Variants in PCCA observed in about 807,000 individuals in gnomAD.
PCCA encodes propionyl-CoA carboxylase alpha chain, mitochondrial.
In PCCA, 74 loss-of-function variants were observed where a neutral mutation model predicts 101.3. The observed-to-expected ratio is 0.73, with a 90% confidence interval of 0.61 to 0.89. The LOEUF (loss-of-function observed/expected upper bound fraction) is 0.89, where lower values mean the gene tolerates loss of function less well. Among genes scored for constraint, PCCA ranks in the 40% least tolerant of loss-of-function variants. The pLI, the probability that PCCA is intolerant of heterozygous loss-of-function variation, is 0.00. For missense variants in PCCA, 891 were observed against 907.0 expected, an observed-to-expected ratio of 0.98 and a Z score of 0.23; for synonymous variants, 294 against 313.6, an observed-to-expected ratio of 0.94 and a Z score of 0.66.
intron 1 of PCCA, among the ~76,000 whole-genome samples, chr13:100,098,955 G>C (rs1243337489): frequency 6.6e-6 from 1 of 152,134 alleles, no homozygotes; most frequent in Non-Finnish European, 1.5e-5. Flanking sequence ...TACAATGCAT[G>C]ATGAAATACC....
chr13:100,092,595 T>C (rs2046383670), intron 1 of PCCA, among the ~76,000 whole-genome samples: 1 of 152,122 alleles, frequency 6.6e-6, no homozygotes, highest in Admixed American at 6.6e-5. Context: ...GGTTTTGCTA[T>C]GTTGCCCAGG....
chr13:100,099,989 G>A (rs1328051010), intron 1 of PCCA, among the ~76,000 whole-genome samples: 1 of 152,090 alleles, frequency 6.6e-6, no homozygotes, highest in Non-Finnish European at 1.5e-5. Context: ...TTCCCAAGTG[G>A]TTCTGGTATA....
At chr13:100,350,470 C>G (rs1202211829) in intron 18 of PCCA, among the ~76,000 whole-genome samples, 1 of 152,170 alleles carries the variant, frequency 6.6e-6, no homozygotes, top group Admixed American at 6.5e-5. Context: ...AACATTAACT[C>G]AATCATTATC....
At chr13:100,257,450 G>A in intron 8 of PCCA, 145 bp from the exon 9 acceptor site, 1 of 697,262 alleles carries the variant, frequency 1.4e-6, no homozygotes, top group South Asian at 1.6e-5. Flanking sequence ...TACTTTCCTG[G>A]TGTTATTTTC....
chr13:100,339,960 G>T (rs895865182), intron 17 of PCCA, among the ~76,000 whole-genome samples, 197 bp from the exon 18 acceptor site: 1 of 152,080 alleles, frequency 6.6e-6, no homozygotes, highest in Non-Finnish European at 1.5e-5. Flanking sequence ...TAAACTTCCC[G>T]TGAGCAGGAT....
intron 18 of PCCA, among the ~76,000 whole-genome samples, chr13:100,359,096 C>CAAAAA (rs35233154): frequency 5.8e-5 from 6 of 103,702 alleles, no homozygotes; most frequent in South Asian, 3.7e-4. Context: ...CAAGACTCCT[C>CAAAAA]AAAAAAAAAA....
At chr13:100,178,979 A>T (rs890852848) in intron 6 of PCCA, among the ~76,000 whole-genome samples, 6 of 151,470 alleles carry the variant, frequency 4.0e-5, no homozygotes, top group African/African-American at 1.2e-4. Context: ...CGGGAGGCTG[A>T]GGCAGGAGAA....
Position 100,450,307 on chromosome 13 carries a change from T to C in PCCA, c.1899+1002T>C, listed in dbSNP as rs1566337449. The stretch of plus-strand genomic sequence containing the variant: ...GCTGAGGGAGGCTGAGGCAGGAGAA[T>C]CGCCTGAACTGAGGAGGTGGAGGTT... On this transcript the variant is annotated intron_variant, in intron 21 of 23. Transcript: ENST00000376285. 2.6e-5 allele frequency among the ~76,000 whole-genome samples: 4 copies of C among 151,638 alleles called. No homozygotes were observed. The South Asian group carries it at 8.3e-4, about 32-fold the overall frequency.
intron 18 of PCCA, among the ~76,000 whole-genome samples, chr13:100,347,799 C>A (rs763814547): frequency 6.6e-6 from 1 of 152,084 alleles, no homozygotes; most frequent in African/African-American, 2.4e-5. Context: ...ATTTTCTATA[C>A]AACAAGCAAT....
At chr13:100,341,023 G>A (rs1337030978) in intron 18 of PCCA, among the ~76,000 whole-genome samples, 3 of 152,198 alleles carry the variant, frequency 2.0e-5, no homozygotes, top group Non-Finnish European at 4.4e-5. Flanking sequence ...AGGTAGAGGA[G>A]AAACTAAATT....
intron 19 of PCCA, among the ~76,000 whole-genome samples, chr13:100,388,143 G>T (rs113907600): frequency 1.3e-5 from 2 of 152,238 alleles, no homozygotes; most frequent in African/African-American, 4.8e-5. Flanking sequence ...GCCTATTACG[G>T]GTGCTAGTCA....
rs202075790 is a variant in PCCA at position 100,160,516 on chromosome 13, A to AG, written c.468+3176_468+3177insG. Among the ~76,000 whole-genome samples, 428 of 152,086 alleles carry AG rather than the reference A, an allele frequency of 2.8e-3. 3 individuals carry two copies. The highest frequency in any genetic ancestry group is 1.0e-2 in the African/African-American group (415 of 41,518). ...AGACTCTGTCTAAAAAAGAAAAAAA[A>AG]AAAAAGATCATGTCTTTTTGTTATT... is the stretch of plus-strand genomic sequence containing the variant. On this transcript the variant is annotated intron_variant, in intron 6 of 23. Coordinates refer to ENST00000376285, the MANE Select transcript of PCCA (RefSeq NM_000282.4).
chr13:100,373,109 T>C (rs1718657695), intron 19 of PCCA, among the ~76,000 whole-genome samples: 1 of 152,054 alleles, frequency 6.6e-6, no homozygotes, highest in Admixed American at 6.6e-5. Context: ...CAAAAAACAA[T>C]TAAAAATGGG....
chr13:100,208,364 A>G (rs1306101187), intron 6 of PCCA, among the ~76,000 whole-genome samples: 1 of 152,218 alleles, frequency 6.6e-6, no homozygotes. Flanking sequence ...ACATGGAATG[A>G]ACAGGTGATG....
At chr13:100,113,054 A>G (rs928954915) in intron 4 of PCCA, among the ~76,000 whole-genome samples, 2 of 152,236 alleles carry the variant, frequency 1.3e-5, no homozygotes, top group African/African-American at 4.8e-5. Context: ...GGTAGGGTCC[A>G]TCAGTTAATG....
At chr13:100,504,451 C>T (rs766528122) in intron 21 of PCCA, among the ~76,000 whole-genome samples, 2 of 152,272 alleles carry the variant, frequency 1.3e-5, no homozygotes, top group Admixed American at 6.5e-5. Flanking sequence ...AGCGTGTACG[C>T]GGGCGTGAGA....
At chr13:100,353,794 A>C (rs1412894567) in intron 18 of PCCA, among the ~76,000 whole-genome samples, 2 of 152,044 alleles carry the variant, frequency 1.3e-5, no homozygotes. Context: ...CTCTATAAAA[A>C]ATACAAGAAT....
chr13:100,293,868 A>C (rs1198857380), intron 12 of PCCA, among the ~76,000 whole-genome samples: 2 of 152,178 alleles, frequency 1.3e-5, no homozygotes, highest in African/African-American at 4.8e-5. Context: ...CTTTTCAGGC[A>C]CTTAGATTTG....
At chr13:100,366,131 G>A (rs1285879583) in intron 18 of PCCA, among the ~76,000 whole-genome samples, 1 of 152,222 alleles carries the variant, frequency 6.6e-6, no homozygotes, top group Non-Finnish European at 1.5e-5. Context: ...CTTGAGGAAA[G>A]CACAGATTCA....
Sources: gnomAD v4.1 joint callset for allele counts (sites outside exome capture counted in the v4.1 genomes callset) on GRCh38, gnomAD v4.1.1 for gene constraint, MANE v1.5 for transcripts, NCBI Gene and HGNC (gene_info 2026-07-23, HGNC 2026-07-21) for gene names.